CTNNA2: variants seen among roughly 807,000 people sequenced by gnomAD.
CTNNA2 encodes catenin alpha-2.
In CTNNA2, 42 loss-of-function variants were observed where a neutral mutation model predicts 101.0. That is an observed-to-expected ratio of 0.42 (90% CI 0.32 to 0.54). The LOEUF (loss-of-function observed/expected upper bound fraction) is 0.54, where lower values mean the gene tolerates loss of function less well. Among genes scored for constraint, CTNNA2 ranks in the 20% least tolerant of loss-of-function variants. The pLI, the probability that CTNNA2 is intolerant of heterozygous loss-of-function variation, is 0.14. For missense variants in CTNNA2, 871 were observed against 1,223.1 expected (o/e 0.71, Z 4.29); for synonymous variants, 450 against 456.4 (o/e 0.99, Z 0.18).
intron 12 of CTNNA2, among the ~76,000 whole-genome samples, chr2:80,562,426 T>C (rs898849242): frequency 7.2e-5 from 11 of 152,140 alleles, no homozygotes; most frequent in Non-Finnish European, 1.6e-4. Flanking sequence ...GAGAAACCAT[T>C]ACCCATCAGA....
At chr2:79,421,582 A>T (rs1048473214) in intron 4 of CTNNA2, among the ~76,000 whole-genome samples, 2 of 152,138 alleles carry the variant, frequency 1.3e-5, no homozygotes, top group African/African-American at 4.8e-5. Flanking sequence ...ACGACTGCTG[A>T]TCTCAAACCA....
chr2:79,954,065 T>G (rs148347263), intron 7 of CTNNA2, among the ~76,000 whole-genome samples: 218 of 152,238 alleles, frequency 1.4e-3, no homozygotes, highest in African/African-American at 4.8e-3. Flanking sequence ...CTCAGGAAAC[T>G]TACAATCATG....
chr2:80,360,292 G>A (rs562156364), intron 7 of CTNNA2, among the ~76,000 whole-genome samples: 1 of 152,216 alleles, frequency 6.6e-6, no homozygotes, highest in Admixed American at 6.5e-5. Context: ...TAACCATTTT[G>A]ATGGATAATT....
intron 1 of CTNNA2, among the ~76,000 whole-genome samples, chr2:79,569,767 T>C (rs1675348340): frequency 6.6e-6 from 1 of 152,158 alleles, no homozygotes; most frequent in South Asian, 2.1e-4. Flanking sequence ...GGCTTTACTT[T>C]TTTAAGTAAG....
At chr2:80,044,247 C>T (rs1696369123) in intron 7 of CTNNA2, among the ~76,000 whole-genome samples, 1 of 152,080 alleles carries the variant, frequency 6.6e-6, no homozygotes, top group Non-Finnish European at 1.5e-5. Flanking sequence ...AACATAGCCG[C>T]ACACCTTTCA....
At chr2:80,322,002 T>C (rs866993013) in intron 7 of CTNNA2, among the ~76,000 whole-genome samples, 1 of 152,178 alleles carries the variant, frequency 6.6e-6, no homozygotes, top group Non-Finnish European at 1.5e-5. Flanking sequence ...TTCCTCCTGC[T>C]GAGGAAGCAA....
At chr2:80,216,866 C>A (rs916329027) in intron 7 of CTNNA2, among the ~76,000 whole-genome samples, 3 of 132,660 alleles carry the variant, frequency 2.3e-5, no homozygotes, top group Middle Eastern at 4.3e-3. Flanking sequence ...GAGATGAATT[C>A]TTGCTCTGTC....
intron 12 of CTNNA2, among the ~76,000 whole-genome samples, chr2:80,572,117 C>T (rs1042141732): frequency 6.6e-6 from 1 of 152,076 alleles, no homozygotes; most frequent in Non-Finnish European, 1.5e-5. Context: ...CCATTGTTCT[C>T]CCATCTGTAG....
chr2:80,237,253 G>A (rs1402141352), intron 7 of CTNNA2, among the ~76,000 whole-genome samples: 4 of 152,164 alleles, frequency 2.6e-5, no homozygotes, highest in Non-Finnish European at 5.9e-5. Context: ...CCTTGGATAT[G>A]TTACTAAATG....
At chr2:79,484,234 C>A (rs1319132091) in intron 4 of CTNNA2, among the ~76,000 whole-genome samples, 1 of 151,844 alleles carries the variant, frequency 6.6e-6, no homozygotes, top group African/African-American at 2.4e-5. Context: ...GAGTAAGACC[C>A]TGTCACAATA....
chr2:79,407,058 G>C (rs1678348814), intron 4 of CTNNA2, among the ~76,000 whole-genome samples: 1 of 151,984 alleles, frequency 6.6e-6, no homozygotes, highest in South Asian at 2.1e-4. Context: ...CAGTGTCTTT[G>C]CTTCAACCCT....
At chr2:79,743,875 G>A (rs1235515246) in intron 2 of CTNNA2, among the ~76,000 whole-genome samples, 6 of 152,146 alleles carry the variant, frequency 3.9e-5, no homozygotes. Flanking sequence ...ATTCTAAATA[G>A]CAAAGGTCTT....
Position 79,264,339 on chromosome 2 carries a change from A to G in CTNNA2, c.-405-48370A>G, listed in dbSNP as rs552421385. On this transcript the variant is annotated intron_variant, in intron 2 of 21. Transcript: ENST00000466387. ...CCATACATGTAAAGTACTTTAAAAT[A>G]CGCATTTTTTAATAGAAATTATATT... Among the ~76,000 whole-genome samples, 102 of 152,298 alleles carry G rather than the reference A, an allele frequency of 6.7e-4. 1 individual carries two copies. The highest frequency in any genetic ancestry group is 1.3e-3 in the Non-Finnish European group (87 of 68,028).
chr2:79,669,647 G>A (rs1682687589), intron 2 of CTNNA2, among the ~76,000 whole-genome samples: 2 of 152,196 alleles, frequency 1.3e-5, no homozygotes, highest in Admixed American at 1.3e-4. Flanking sequence ...GGATGTCTCT[G>A]CAGGTCTCTG....
intron 7 of CTNNA2, among the ~76,000 whole-genome samples, chr2:80,095,849 AT>A (rs1700111268): frequency 6.6e-6 from 1 of 151,916 alleles, no homozygotes; most frequent in Non-Finnish European, 1.5e-5. Context: ...CGGTGGTGAT[AT>A]CCCCTTTATC....
At chr2:80,533,712 TGA>T (rs1424424001) in intron 9 of CTNNA2, among the ~76,000 whole-genome samples, 3 of 152,136 alleles carry the variant, frequency 2.0e-5, no homozygotes, top group Middle Eastern at 3.2e-3. Flanking sequence ...GGAAATAAGT[TGA>T]GATTTCATTT....
chr2:79,313,898 C>T (rs529393734), intron 3 of CTNNA2, among the ~76,000 whole-genome samples: 8 of 152,138 alleles, frequency 5.3e-5, no homozygotes, highest in East Asian at 3.9e-4. Context: ...CTCATATGAC[C>T]GCAGGGAGAT....
chr2:80,337,211 C>T (rs567661788), intron 7 of CTNNA2, among the ~76,000 whole-genome samples: 3 of 152,092 alleles, frequency 2.0e-5, no homozygotes, highest in East Asian at 1.9e-4. Flanking sequence ...AAACATTAGC[C>T]GGGTGTGGTG....
At chr2:79,986,530 C>T (rs1371503827) in intron 7 of CTNNA2, among the ~76,000 whole-genome samples, 17 of 152,114 alleles carry the variant, frequency 1.1e-4, no homozygotes, top group Admixed American at 1.1e-3. Context: ...CTGCACTTTT[C>T]GTTGTTCTGC....
Sources: allele counts gnomAD v4.1 joint callset (sites outside exome capture counted in the v4.1 genomes callset), GRCh38; gene constraint gnomAD v4.1.1; transcripts MANE v1.5; gene names NCBI Gene and HGNC (gene_info 2026-07-23, HGNC 2026-07-21).